Variants in TBC1D8B observed in about 807,000 individuals in gnomAD.
The protein encoded by TBC1D8B is TBC1 domain family member 8B, also known as RP11-321G1.1.
TBC1D8B carries 75 observed loss-of-function variants against 82.9 expected under a neutral mutation model. The ratio of observed to expected loss-of-function variants is 0.90; its 90% confidence interval spans 0.75 to 1.10. The LOEUF (loss-of-function observed/expected upper bound fraction) is 1.10, where lower values mean the gene tolerates loss of function less well. Among genes scored for constraint, TBC1D8B ranks in the 50% least tolerant of loss-of-function variants. The probability of loss-of-function intolerance (pLI) is 0.00; values close to 1 mark genes in which losing one functional copy is unlikely to be tolerated. For missense variants in TBC1D8B, 794 were observed against 796.9 expected, an observed-to-expected ratio of 1.00 and a Z score of 0.04; for synonymous variants, 276 against 276.8, an observed-to-expected ratio of 1.00 and a Z score of 0.03.
intron 14 of TBC1D8B, among the ~76,000 whole-genome samples, chrX:106,860,388 T>TA (rs1335251347): frequency 9.5e-6 from 1 of 105,373 alleles, no homozygotes; most frequent in Non-Finnish European, 2.0e-5. Context: ...TGTGTGTGTT[T>TA]CTGATTCAAT....
intron 1 of TBC1D8B, among the ~76,000 whole-genome samples, chrX:106,807,870 C>T (rs1931243167): frequency 9.0e-6 from 1 of 110,945 alleles, no homozygotes; most frequent in Non-Finnish European, 1.9e-5. Context: ...CTGGCCAACA[C>T]GTTGAAACCC....
At chrX:106,834,454 C>T (rs1324528610) in intron 7 of TBC1D8B, among the ~76,000 whole-genome samples, 1 of 110,945 alleles carries the variant, frequency 9.0e-6, no homozygotes, top group East Asian at 2.8e-4. Flanking sequence ...AGAGCCAAAC[C>T]ATATCATTCC....
intron 14 of TBC1D8B, among the ~76,000 whole-genome samples, chrX:106,857,468 G>A (rs780289039): frequency 7.2e-5 from 8 of 111,383 alleles, no homozygotes; most frequent in Admixed American, 1.9e-4. Flanking sequence ...TTGTTATATA[G>A]GTAAATTATG....
At chrX:106,863,092 G>A (rs763316928) in intron 14 of TBC1D8B, among the ~76,000 whole-genome samples, 1 of 111,794 alleles carries the variant, frequency 8.9e-6, no homozygotes, top group Non-Finnish European at 1.9e-5. Context: ...ATGCTTGCTC[G>A]TGCATGCCAG....
chrX:106,840,011 A>G, intron 8 of TBC1D8B, 37 bp from the exon 9 acceptor site: 1 of 1,145,252 alleles, frequency 8.7e-7, no homozygotes, highest in Non-Finnish European at 1.2e-6. Context: ...TTAATTTCTC[A>G]CTAAATTTAG....
At chrX:106,861,783 G>T (rs376983284) in intron 14 of TBC1D8B, among the ~76,000 whole-genome samples, 5 of 110,533 alleles carry the variant, frequency 4.5e-5, no homozygotes, top group Middle Eastern at 4.7e-3. Context: ...CTGATATCAT[G>T]TTGTTAGCTG....
intron 1 of TBC1D8B, among the ~76,000 whole-genome samples, chrX:106,808,440 G>A (rs1333107886): frequency 1.8e-5 from 2 of 111,758 alleles, no homozygotes; most frequent in Non-Finnish European, 3.8e-5. Context: ...ATTTTCCCTA[G>A]TAATTACTTT....
chrX:106,807,454 CT>C (rs753069652), intron 1 of TBC1D8B, among the ~76,000 whole-genome samples: 3,352 of 85,597 alleles, frequency 0.039, 91 homozygotes, highest in African/African-American at 0.088. Context: ...TTACCCTCAC[CT>C]TTTTTTTTTT....
chrX:106,858,745 G>T (rs1284923215), intron 14 of TBC1D8B, among the ~76,000 whole-genome samples: 2 of 111,752 alleles, frequency 1.8e-5, no homozygotes, highest in African/African-American at 6.5e-5. Flanking sequence ...TATTTTTGTT[G>T]CAATTGCTTT....
intron 14 of TBC1D8B, among the ~76,000 whole-genome samples, chrX:106,855,186 T>G (rs781076258): frequency 8.9e-6 from 1 of 112,226 alleles, no homozygotes; most frequent in South Asian, 3.7e-4. Context: ...TCTGGGAAGA[T>G]TAATGTTTCT....
At chrX:106,857,423 G>A (rs1390455991) in intron 14 of TBC1D8B, among the ~76,000 whole-genome samples, 1 of 111,924 alleles carries the variant, frequency 8.9e-6, no homozygotes, top group African/African-American at 3.3e-5. Flanking sequence ...GAAGTGCTGG[G>A]TTTGCAGGCA....
At position 106,822,110 on chromosome X, in the gene TBC1D8B, G is replaced by T. The variant is rs765101558; in HGVS notation, c.494G>T (p.Cys165Phe). 8.3e-7 allele frequency: 1 copy of T among 1,210,250 alleles called. No homozygotes were observed. The highest frequency in any genetic ancestry group is 1.1e-6 in the Non-Finnish European group (1 of 894,707). The change falls in exon 4 of 21, where the codon TGC becomes TTC. Residue 165 changes from cysteine (C) to phenylalanine (F), a missense_variant. By Grantham distance (205) the Cys-to-Phe change is radical (BLOSUM62 -2). Coordinates refer to ENST00000357242, the MANE Select transcript of TBC1D8B (RefSeq NM_017752.3). ...EKEKLVTYYS[C>F]SYWKGRVPCQ... is the part of the protein sequence containing the mutation. The stretch of plus-strand genomic sequence containing the variant: ...GAGAAGTTAGTGACCTATTATTCAT[G>T]CAGTTATTGGAAAGGACGGGTTCCT...
chrX:106,826,000 G>C, intron 5 of TBC1D8B, 30 bp from the exon 6 acceptor site: 1 of 1,173,565 alleles, frequency 8.5e-7, no homozygotes, highest in Non-Finnish European at 1.2e-6. Flanking sequence ...AAATTCATTT[G>C]TGCCTTATCC....
intron 10 of TBC1D8B, among the ~76,000 whole-genome samples, chrX:106,842,945 C>T (rs1932351005): frequency 9.0e-6 from 1 of 111,527 alleles, no homozygotes; most frequent in Non-Finnish European, 1.9e-5. Flanking sequence ...TTGAGTGATA[C>T]AATATGTGAT....
chrX:106,869,217 C>A (rs1932832474), intron 18 of TBC1D8B, among the ~76,000 whole-genome samples: 1 of 111,389 alleles, frequency 9.0e-6, no homozygotes, highest in South Asian at 3.8e-4. Flanking sequence ...AAGAAAGTCA[C>A]AAAGAAGAAA....
At chrX:106,819,045 A>G (rs1295347202) in intron 2 of TBC1D8B, among the ~76,000 whole-genome samples, 2 of 108,332 alleles carry the variant, frequency 1.8e-5, no homozygotes, top group Non-Finnish European at 3.9e-5. Context: ...CTGCTATATA[A>G]CTCCTTTCTT....
At chrX:106,823,509 C>T in intron 5 of TBC1D8B, 43 bp downstream of exon 5, 1 of 1,170,249 alleles carries the variant, frequency 8.5e-7, no homozygotes. Context: ...ATTGTTTGAC[C>T]ATAAGAATGA....
intron 1 of TBC1D8B, among the ~76,000 whole-genome samples, chrX:106,813,461 C>T (rs1699888324): frequency 8.9e-6 from 1 of 111,925 alleles, no homozygotes; most frequent in South Asian, 3.7e-4. Context: ...CTACATAGTA[C>T]AAGGCGCTTA....
Position 106,827,348 on chromosome X carries a change from A to C in TBC1D8B, c.1203+11A>C. On this transcript the variant is annotated intron_variant, in intron 7 of 20. Coordinates refer to ENST00000357242, the MANE Select transcript of TBC1D8B (RefSeq NM_017752.3). ...GATATTAGCACAGAGGTAATTAATT[A>C]TACAGCAATCAAATCATTTGGAAAA... 8.3e-7 allele frequency: 1 copy of C among 1,208,305 alleles called. No homozygotes were observed. Among genetic ancestry groups the C allele is most frequent in the Non-Finnish European group, 1.1e-6 (1 of 892,999 alleles).
Sources: gnomAD v4.1 joint callset for allele counts (sites outside exome capture counted in the v4.1 genomes callset) on GRCh38, gnomAD v4.1.1 for gene constraint, MANE v1.5 for transcripts, NCBI Gene and HGNC (gene_info 2026-07-23, HGNC 2026-07-21) for gene names.